IKZF3: variants seen among roughly 807,000 people sequenced by gnomAD.
IKZF3 encodes the protein zinc finger protein Aiolos.
IKZF3 carries 10 observed loss-of-function variants against 49.0 expected under a neutral mutation model. That is an observed-to-expected ratio of 0.20 (90% CI 0.13 to 0.35). The LOEUF (loss-of-function observed/expected upper bound fraction) is 0.35, where lower values mean the gene tolerates loss of function less well. Among genes scored for constraint, IKZF3 ranks in the 10% least tolerant of loss-of-function variants. IKZF3 has a pLI of 1.00. For missense variants in IKZF3, 498 were observed against 664.8 expected (o/e 0.75, Z 2.76); for synonymous variants, 209 against 228.2 (o/e 0.92, Z 0.76).
intron 7 of IKZF3, among the ~76,000 whole-genome samples, chr17:39,768,476 C>T (rs1029780449): frequency 4.6e-5 from 7 of 152,208 alleles, no homozygotes; most frequent in African/African-American, 1.7e-4. Flanking sequence ...ACTCTTCCTT[C>T]ACATTCTGCA....
intron 6 of IKZF3, 174 bp from the exon 7 acceptor site, chr17:39,777,941 C>G (rs919977884): frequency 1.9e-5 from 25 of 1,311,240 alleles, no homozygotes; most frequent in Non-Finnish European, 2.3e-5. Flanking sequence ...GTGAAGCCGA[C>G]ACCAGGGCAC....
At chr17:39,789,898 C>CAAAAAAA in intron 5 of IKZF3, among the ~76,000 whole-genome samples, 1 of 42,282 alleles carries the variant, frequency 2.4e-5, no homozygotes, top group Non-Finnish European at 4.9e-5. Flanking sequence ...GACTCCGTCT[C>CAAAAAAA]AAAAAAAAAA....
At chr17:39,771,630 A>G (rs115775371) in intron 7 of IKZF3, among the ~76,000 whole-genome samples, 2,349 of 152,248 alleles carry the variant, frequency 0.015, 60 homozygotes, top group African/African-American at 0.054. Context: ...GGTGGTGGAG[A>G]CAGTCATATC....
intron 3 of IKZF3, among the ~76,000 whole-genome samples, chr17:39,825,492 G>A (rs2061932522): frequency 6.6e-6 from 1 of 152,208 alleles, no homozygotes; most frequent in South Asian, 2.1e-4. Context: ...AACAGTTTAG[G>A]ATTGGCTAGT....
chr17:39,795,945 G>A (rs1242531228), intron 3 of IKZF3, among the ~76,000 whole-genome samples: 1 of 151,886 alleles, frequency 6.6e-6, no homozygotes, highest in Non-Finnish European at 1.5e-5. Flanking sequence ...GGGAGGCTGA[G>A]GCAGGATAAT....
intron 1 of IKZF3, among the ~76,000 whole-genome samples, chr17:39,833,670 A>T (rs1372217968): frequency 6.6e-6 from 1 of 152,110 alleles, no homozygotes; most frequent in Non-Finnish European, 1.5e-5. Flanking sequence ...TCTCCTATTG[A>T]TGGACACCTA....
At chr17:39,849,375 C>T (rs1450252244) in intron 1 of IKZF3, among the ~76,000 whole-genome samples, 2 of 149,700 alleles carry the variant, frequency 1.3e-5, no homozygotes, top group African/African-American at 4.9e-5. Context: ...AAAAAAAAAT[C>T]CAGCCAGGCG....
At chr17:39,856,325 G>C (rs1440731884) in intron 1 of IKZF3, among the ~76,000 whole-genome samples, 2 of 151,972 alleles carry the variant, frequency 1.3e-5, no homozygotes, top group African/African-American at 4.8e-5. Flanking sequence ...GTCTGGCTCT[G>C]TCACCCAGGT....
chr17:39,863,870 A>AC (rs1280425019), intron 1 of IKZF3, among the ~76,000 whole-genome samples: 2 of 151,900 alleles, frequency 1.3e-5, no homozygotes, highest in Non-Finnish European at 2.9e-5. Context: ...TGTAGGGTAG[A>AC]CCCCCCATGT....
rs2952141 is a variant in IKZF3 at position 39,765,646 on chromosome 17, C to T, written c.*144G>A. Reference sequence around the variant, plus strand: ...AATTTCTGAAGGAAGACAGTGTTTCCCTGGCTACCCCTGTGAACACAGCTA... The same window carrying T: ...AATTTCTGAAGGAAGACAGTGTTTCTCTGGCTACCCCTGTGAACACAGCTA... On this transcript the variant is annotated 3_prime_UTR_variant, in exon 8 of 8. Transcript: ENST00000346872. 578,413 of 578,752 alleles carry T rather than the reference C, an allele frequency of 1. 289,037 individuals are homozygous for T. The highest frequency in any genetic ancestry group is 1 in the East Asian group (35,432 of 35,432). The allele number at this position is 578,752 out of a possible 1,614,324, so 35.9% of individuals were successfully genotyped here.
chr17:39,848,001 T>G (rs2062683769), intron 1 of IKZF3, among the ~76,000 whole-genome samples: 1 of 152,186 alleles, frequency 6.6e-6, no homozygotes, highest in African/African-American at 2.4e-5. Flanking sequence ...GACTGTGCAT[T>G]ATTGCTGATT....
intron 3 of IKZF3, among the ~76,000 whole-genome samples, chr17:39,822,400 C>T (rs2061833741): frequency 1.3e-5 from 2 of 152,076 alleles, no homozygotes; most frequent in African/African-American, 4.8e-5. Flanking sequence ...CTCACAAGAT[C>T]TGATGGTTTA....
At chr17:39,796,308 C>T (rs2061160015) in intron 3 of IKZF3, among the ~76,000 whole-genome samples, 1 of 152,126 alleles carries the variant, frequency 6.6e-6, no homozygotes, top group Non-Finnish European at 1.5e-5. Flanking sequence ...AAACTTGCTT[C>T]TAATTTATGA....
At chr17:39,838,319 C>T (rs993003542) in intron 1 of IKZF3, among the ~76,000 whole-genome samples, 1 of 152,044 alleles carries the variant, frequency 6.6e-6, no homozygotes, top group African/African-American at 2.4e-5. Context: ...ATGCTTTTTT[C>T]TCTGATATTC....
intron 1 of IKZF3, among the ~76,000 whole-genome samples, chr17:39,851,034 C>T (rs540266067): frequency 2.1e-5 from 3 of 143,700 alleles, no homozygotes; most frequent in African/African-American, 5.1e-5. Flanking sequence ...GTTATATACA[C>T]GTATATATTA....
chr17:39,778,195 GCT>G, intron 6 of IKZF3: 2 of 986,678 alleles, frequency 2.0e-6, no homozygotes, highest in Non-Finnish European at 2.4e-6. Context: ...CAGATTTACT[GCT>G]CTGTTTATGT....
At chr17:39,809,822 A>C (rs1428950590) in intron 3 of IKZF3, among the ~76,000 whole-genome samples, 4 of 152,220 alleles carry the variant, frequency 2.6e-5, no homozygotes, top group Non-Finnish European at 5.9e-5. Flanking sequence ...ATGATGAAGA[A>C]AGGGAGATTG....
At chr17:39,798,841 C>G (rs1234226534) in intron 3 of IKZF3, among the ~76,000 whole-genome samples, 1 of 152,122 alleles carries the variant, frequency 6.6e-6, no homozygotes, top group South Asian at 2.1e-4. Context: ...AACTAATATG[C>G]TGTCTCCTGG....
At chr17:39,846,772 G>C (rs28648398) in intron 1 of IKZF3, among the ~76,000 whole-genome samples, 8,806 of 151,804 alleles carry the variant, frequency 0.058, 403 homozygotes, top group African/African-American at 0.13. Context: ...AATTACCATT[G>C]AATTAAGAAT....
Sources: gnomAD v4.1 joint callset for allele counts (sites outside exome capture counted in the v4.1 genomes callset) on GRCh38, gnomAD v4.1.1 for gene constraint, MANE v1.5 for transcripts, NCBI Gene and HGNC (gene_info 2026-07-23, HGNC 2026-07-21) for gene names.